The following AADAT variants were observed in gnomAD, a reference collection of about 807,000 sequenced individuals.
AADAT encodes the protein aminoadipate aminotransferase, also known as kynurenine/alpha-aminoadipate aminotransferase, mitochondrial.
AADAT carries 25 observed loss-of-function variants against 56.2 expected under a neutral mutation model. The observed-to-expected ratio is 0.44, with a 90% confidence interval of 0.32 to 0.62. The LOEUF (loss-of-function observed/expected upper bound fraction) is 0.62. Ranked by LOEUF, AADAT falls within the 20% of genes least tolerant of loss-of-function variation. The pLI is 0.04. For synonymous variants in AADAT, 173 were observed against 164.7 expected (o/e 1.05, Z -0.39); for missense variants, 387 against 510.5 (o/e 0.76, Z 2.33).
intron 4 of AADAT, among the ~76,000 whole-genome samples, chr4:170,077,681 T>C (rs924046520): frequency 6.6e-6 from 1 of 152,220 alleles, no homozygotes; most frequent in Non-Finnish European, 1.5e-5. Flanking sequence ...TAACCCATTA[T>C]GAAGTCCGGT....
At chr4:170,069,286 C>G in intron 6 of AADAT, 56 bp from the exon 7 acceptor site, 1 of 1,415,082 alleles carries the variant, frequency 7.1e-7, no homozygotes, top group Non-Finnish European at 9.9e-7. Context: ...AGTCACTGTA[C>G]GATTATTTTG....
At chr4:170,080,735 T>C (rs1732258252) in intron 3 of AADAT, among the ~76,000 whole-genome samples, 1 of 152,128 alleles carries the variant, frequency 6.6e-6, no homozygotes, top group Non-Finnish European at 1.5e-5. Flanking sequence ...AACCTGGACT[T>C]AAGGTGCCAC....
At chr4:170,074,249 G>A (rs963657434) in intron 4 of AADAT, among the ~76,000 whole-genome samples, 3 of 151,950 alleles carry the variant, frequency 2.0e-5, no homozygotes, top group Non-Finnish European at 4.4e-5. Flanking sequence ...GTGCAGGTTT[G>A]TTACATGGGT....
chr4:170,081,000 G>A (rs910412789), intron 3 of AADAT, among the ~76,000 whole-genome samples: 1 of 152,126 alleles, frequency 6.6e-6, no homozygotes, highest in Non-Finnish European at 1.5e-5. Context: ...TCAGCTTTTT[G>A]ACCAAAAATT....
At chr4:170,077,575 T>C (rs990611584) in intron 4 of AADAT, among the ~76,000 whole-genome samples, 6 of 152,206 alleles carry the variant, frequency 3.9e-5, no homozygotes, top group Admixed American at 2.0e-4. Context: ...AGTCATCGCA[T>C]TGAATTCCCC....
intron 2 of AADAT, among the ~76,000 whole-genome samples, 153 bp downstream of exon 2, chr4:170,088,243 A>G (rs745976913): frequency 6.6e-6 from 1 of 152,042 alleles, no homozygotes; most frequent in Non-Finnish European, 1.5e-5. Flanking sequence ...TCAATGACTG[A>G]GTATTTGGTC....
At chr4:170,080,839 A>G (rs936084945) in intron 3 of AADAT, among the ~76,000 whole-genome samples, 2 of 152,130 alleles carry the variant, frequency 1.3e-5, no homozygotes, top group Non-Finnish European at 2.9e-5. Context: ...AGACAAATCA[A>G]ACAAACAAAC....
In AADAT at chr4:170,061,895, A is replaced by G. The variant is rs530659731; in HGVS notation, c.1233T>C (p.Asp411=). Reference sequence around the variant, plus strand: ...CTGAGGAGAATACTACACTCACCACATCCATCTGTTCTGGAGAAGCTGAAG... The same window carrying G: ...CTGAGGAGAATACTACACTCACCACGTCCATCTGTTCTGGAGAAGCTGAAG... ...SFSSASPEQM[D]VAFQVLAQLI... is the part of the protein sequence containing the mutation. Residue 411 remains aspartate (D), a synonymous_variant, in exon 12 of 13, where the codon GAT becomes GAC. Coordinates refer to ENST00000337664, the MANE Select transcript of AADAT (RefSeq NM_016228.4). The G allele has an allele frequency of 1.1e-4, 180 of 1,610,720 alleles. 2 individuals carry two copies. In the South Asian group the frequency reaches 1.9e-3, roughly 17 times the overall value.
intron 10 of AADAT, 27 bp from the exon 11 acceptor site, chr4:170,064,852 T>C: frequency 6.3e-7 from 1 of 1,580,562 alleles, no homozygotes; most frequent in Non-Finnish European, 8.6e-7. Flanking sequence ...AGAATAAATG[T>C]CTTCCAAAGG....
chr4:170,078,682 G>A, intron 3 of AADAT, 99 bp from the exon 4 acceptor site: 1 of 725,886 alleles, frequency 1.4e-6, no homozygotes, highest in South Asian at 2.4e-5. Context: ...CATGGTTCTA[G>A]AGTAAGAATT....
At chr4:170,070,893 A>G (rs993391978) in intron 5 of AADAT, among the ~76,000 whole-genome samples, 2 of 152,180 alleles carry the variant, frequency 1.3e-5, no homozygotes, top group Admixed American at 1.3e-4. Context: ...TGAGCAGAAT[A>G]AACATTAGAT....
chr4:170,061,917 G>T lies in AADAT; in HGVS notation c.1211C>A (p.Ser404Ter). ...CACATCCATCTGTTCTGGAGAAGCT[G>T]AAGAGAAGGATGCTCTCAAGTAAGG... ...PSPYLRASFS[S>*]ASPEQMDVAF... The change falls in exon 12 of 13, where the codon TCA (serine) becomes TAA (stop). Residue 404 changes from serine to a stop codon, truncating the protein, a stop_gained. Transcript: ENST00000337664. LOFTEE classifies it high-confidence loss of function. 1 of 1,613,124 alleles carries T rather than the reference G, an allele frequency of 6.2e-7. No individual in the cohort carries two copies. The highest frequency in any genetic ancestry group is 8.5e-7 in the Non-Finnish European group (1 of 1,179,364).
chr4:170,088,960 C>T lies in AADAT; in HGVS notation c.68-396G>A, dbSNP rs148734048. Among the ~76,000 whole-genome samples, 1,402 of 152,334 alleles carry T rather than the reference C, an allele frequency of 9.2e-3. 27 individuals are homozygous for T. Among genetic ancestry groups the T allele is most frequent in the Middle Eastern group, 0.048 (14 of 294 alleles). ...CATGGTGACACAGAAGCTGCTGGCACTTTGATCTTAGACTTCCTAGCTTCC... is the reference window on the plus strand; with the variant it reads ...CATGGTGACACAGAAGCTGCTGGCATTTTGATCTTAGACTTCCTAGCTTCC... On this transcript the variant is annotated intron_variant, in intron 1 of 12. Transcript: ENST00000337664.
At chr4:170,082,042 A>G (rs1004715615) in intron 3 of AADAT, among the ~76,000 whole-genome samples, 2 of 152,242 alleles carry the variant, frequency 1.3e-5, no homozygotes, top group Non-Finnish European at 2.9e-5. Flanking sequence ...AAAGAAAAAA[A>G]TACTAATGTG....
chr4:170,064,842 A>G lies in AADAT; in HGVS notation c.1028-17T>C. On this transcript the variant is annotated splice_polypyrimidine_tract_variant and intron_variant, in intron 10 of 12. Coordinates refer to ENST00000337664, the MANE Select transcript of AADAT (RefSeq NM_016228.4). ...CTGCCAAACCTACAAACAAAAGAAG[A>G]GAATAAATGTCTTCCAAAGGAAGGC... 6.3e-7 allele frequency: 1 copy of G among 1,598,134 alleles called. No individual in the cohort carries two copies. Among genetic ancestry groups the G allele is most frequent in the Non-Finnish European group, 8.5e-7 (1 of 1,174,424 alleles).
intron 4 of AADAT, among the ~76,000 whole-genome samples, chr4:170,075,730 T>A (rs1264196585): frequency 6.6e-6 from 1 of 152,212 alleles, no homozygotes; most frequent in Non-Finnish European, 1.5e-5. Flanking sequence ...TCTGTACCTA[T>A]TAATCAATAA....
upstream of AADAT, among the ~76,000 whole-genome samples, chr4:170,093,362 G>A (rs2111230619): frequency 6.6e-6 from 1 of 152,138 alleles, no homozygotes; most frequent in African/African-American, 2.4e-5. Flanking sequence ...CCCGGGAGGC[G>A]GAGGTTGGAG....
At chr4:170,085,969 A>G (rs937135612) in intron 3 of AADAT, among the ~76,000 whole-genome samples, 3 of 152,216 alleles carry the variant, frequency 2.0e-5, no homozygotes, top group Non-Finnish European at 4.4e-5. Context: ...ATGAATATAG[A>G]GAATCTTATT....
chr4:170,064,870 T>G (rs1731368798), intron 10 of AADAT, 45 bp from the exon 11 acceptor site: 1 of 1,536,100 alleles, frequency 6.5e-7, no homozygotes. Context: ...AGGAAGGCAT[T>G]TTTGATGATA....
Sources: gnomAD v4.1 joint callset for allele counts (sites outside exome capture counted in the v4.1 genomes callset) on GRCh38, gnomAD v4.1.1 for gene constraint, MANE v1.5 for transcripts, NCBI Gene and HGNC (gene_info 2026-07-23, HGNC 2026-07-21) for gene names.